The following CREB5 variants were observed in gnomAD, a reference collection of about 807,000 sequenced individuals.
CREB5 encodes cAMP responsive element binding protein 5, also known as cyclic AMP-responsive element-binding protein 5.
In CREB5, 19 loss-of-function variants were observed where a neutral mutation model predicts 57.1. The ratio of observed to expected loss-of-function variants is 0.33; its 90% CI spans 0.23 to 0.49. The LOEUF (loss-of-function observed/expected upper bound fraction) is 0.49. Ranked by LOEUF, CREB5 falls within the 20% of genes least tolerant of loss-of-function variation. The probability of loss-of-function intolerance (pLI) is 0.99; values close to 1 mark genes in which losing one functional copy is unlikely to be tolerated. For missense variants in CREB5, 579 were observed against 671.6 expected (o/e 0.86, Z 1.52); for synonymous variants, 238 against 238.3 (o/e 1.00, Z 0.01).
At chr7:28,780,704 A>C (rs1463782399) in intron 7 of CREB5, among the ~76,000 whole-genome samples, 1 of 152,178 alleles carries the variant, frequency 6.6e-6, no homozygotes, top group Non-Finnish European at 1.5e-5. Context: ...CCTGGGCCAC[A>C]GATTCAAAAT....
At chr7:28,480,835 G>A (rs779651685) in intron 1 of CREB5, among the ~76,000 whole-genome samples, 3 of 152,182 alleles carry the variant, frequency 2.0e-5, no homozygotes, top group Admixed American at 6.6e-5. Flanking sequence ...CTTCACACAA[G>A]TGCTTATTAC....
At chr7:28,477,219 C>T (rs568282035) in intron 1 of CREB5, among the ~76,000 whole-genome samples, 10 of 152,206 alleles carry the variant, frequency 6.6e-5, no homozygotes, top group Non-Finnish European at 1.2e-4. Flanking sequence ...GTGAACAATA[C>T]CCCATCAAGG....
chr7:28,786,611 A>G (rs1220814327), intron 7 of CREB5, among the ~76,000 whole-genome samples: 1 of 152,192 alleles, frequency 6.6e-6, no homozygotes, highest in Non-Finnish European at 1.5e-5. Flanking sequence ...TTCTTTATAG[A>G]TAAAAGATAG....
chr7:28,305,938 T>C (rs1369683838), intron 1 of CREB5, among the ~76,000 whole-genome samples: 3 of 152,194 alleles, frequency 2.0e-5, no homozygotes, highest in African/African-American at 7.2e-5. Context: ...TGTGTGTGTG[T>C]GTGCATTTAC....
At chr7:28,499,850 T>C (rs563413176) in intron 3 of CREB5, among the ~76,000 whole-genome samples, 2 of 152,356 alleles carry the variant, frequency 1.3e-5, no homozygotes, top group East Asian at 3.9e-4. Context: ...CCCAAAGTGC[T>C]GGGATTACAG....
intron 5 of CREB5, among the ~76,000 whole-genome samples, chr7:28,638,490 G>A (rs1054495693): frequency 2.6e-5 from 4 of 151,902 alleles, no homozygotes; most frequent in Non-Finnish European, 4.4e-5. Context: ...GAGACCATAG[G>A]CACCTACCAC....
intron 4 of CREB5, among the ~76,000 whole-genome samples, chr7:28,569,801 T>G (rs160352): frequency 0.9 from 136,745 of 152,242 alleles, 61,575 homozygotes; most frequent in South Asian, 0.96. Context: ...TTGGATCCCA[T>G]ATGTCTTGTC....
chr7:28,561,084 T>G (rs926143762), intron 4 of CREB5, among the ~76,000 whole-genome samples: 2 of 152,062 alleles, frequency 1.3e-5, no homozygotes, highest in Non-Finnish European at 2.9e-5. Context: ...ATCCCTTCTC[T>G]TCCCTACTTT....
intron 2 of CREB5, among the ~76,000 whole-genome samples, chr7:28,489,906 C>A (rs1361368439): frequency 6.6e-6 from 1 of 152,152 alleles, no homozygotes; most frequent in Admixed American, 6.5e-5. Context: ...TCCTGCTAGA[C>A]CAGGACTCTT....
chr7:28,664,728 G>T (rs1472909058), intron 5 of CREB5, among the ~76,000 whole-genome samples: 1 of 152,068 alleles, frequency 6.6e-6, no homozygotes, highest in Non-Finnish European at 1.5e-5. Context: ...TAAAAGATTA[G>T]GAACAGAACT....
intron 3 of CREB5, among the ~76,000 whole-genome samples, chr7:28,498,970 C>T (rs1409041007): frequency 6.6e-6 from 1 of 152,046 alleles, no homozygotes; most frequent in African/African-American, 2.4e-5. Context: ...CAATGCACAT[C>T]CATAGGCAGC....
intron 4 of CREB5, among the ~76,000 whole-genome samples, chr7:28,511,744 C>T (rs953844110): frequency 1.3e-5 from 2 of 152,186 alleles, no homozygotes; most frequent in African/African-American, 4.8e-5. Flanking sequence ...CCTCAGCCTC[C>T]CAAAGTGCTG....
At chr7:28,737,581 A>T (rs1448178682) in intron 7 of CREB5, among the ~76,000 whole-genome samples, 1,580 of 26,678 alleles carry the variant, frequency 0.059, 51 homozygotes, top group Non-Finnish European at 0.097. Context: ...ATATATATAT[A>T]TATATATTTT....
intron 1 of CREB5, among the ~76,000 whole-genome samples, chr7:28,311,985 ACGTC>A (rs1785288184): frequency 6.6e-6 from 1 of 151,828 alleles, no homozygotes; most frequent in South Asian, 2.1e-4. Context: ...CCTTTCTTCC[ACGTC>A]CTGCAGAGCC....
chr7:28,314,971 A>G (rs116531291), intron 1 of CREB5, among the ~76,000 whole-genome samples: 2,052 of 152,328 alleles, frequency 0.013, 44 homozygotes, highest in African/African-American at 0.046. Context: ...AGTGACAGGA[A>G]CATATTTTCC....
rs1176017901 is a variant in CREB5, at chr7:28,822,321, A to AGTC, written c.*3043_*3045dup. The AGTC allele has an allele frequency of 6.6e-6, 1 of 152,478 alleles. No individual in the cohort carries two copies. Among genetic ancestry groups the AGTC allele is most frequent in the African/African-American group, 2.4e-5 (1 of 41,450 alleles). The allele number at this position is 152,478 out of a possible 1,614,324, so 9.4% of individuals were successfully genotyped here. A position where few individuals can be genotyped will look rare whatever the true frequency, so the allele number is the denominator to read the frequency against. On this transcript the variant is annotated 3_prime_UTR_variant, in exon 11 of 11. Coordinates refer to ENST00000357727, the MANE Select transcript of CREB5 (RefSeq NM_182898.4). ...TCCAACACTTGGCTTATCAATATTA[A>AGTC]GTCTTTTACCTAAAGGCCCAGCCGT... is the stretch of plus-strand genomic sequence containing the variant.
At chr7:28,397,997 T>C (rs189736925) in intron 1 of CREB5, among the ~76,000 whole-genome samples, 1 of 152,342 alleles carries the variant, frequency 6.6e-6, no homozygotes, top group East Asian at 1.9e-4. Flanking sequence ...AATTCAGTGA[T>C]ACTAAGTACA....
intron 5 of CREB5, among the ~76,000 whole-genome samples, chr7:28,707,124 G>A (rs574690023): frequency 1.3e-5 from 2 of 152,206 alleles, no homozygotes; most frequent in East Asian, 3.9e-4. Flanking sequence ...CAGTAATGGA[G>A]GAGACACCCA....
intron 1 of CREB5, among the ~76,000 whole-genome samples, chr7:28,445,135 G>A (rs1460290607): frequency 6.6e-6 from 1 of 152,144 alleles, no homozygotes; most frequent in Admixed American, 6.5e-5. Context: ...CTTGTAAGAC[G>A]TTCCTTTGCT....
Sources: gnomAD v4.1 joint callset for allele counts (sites outside exome capture counted in the v4.1 genomes callset) on GRCh38, gnomAD v4.1.1 for gene constraint, MANE v1.5 for transcripts, NCBI Gene and HGNC (gene_info 2026-07-23, HGNC 2026-07-21) for gene names.